EYS: variants seen among roughly 807,000 people sequenced by gnomAD.
EYS encodes EGF-like photoreceptor maintenance factor.
EYS carries 250 observed loss-of-function variants against 282.1 expected under a neutral mutation model. That is an observed-to-expected ratio of 0.89 (90% CI 0.80 to 0.98). The LOEUF is 0.98. EYS is among the 50% of genes least tolerant of loss of function. EYS has a pLI of 0.00. For synonymous variants in EYS, 1,355 were observed against 1,282.9 expected, an observed-to-expected ratio of 1.06 and a Z score of -1.20; for missense variants, 4,016 against 3,709.0, an observed-to-expected ratio of 1.08 and a Z score of -2.15.
At chr6:64,123,035 A>G (rs1212201093) in intron 31 of EYS, among the ~76,000 whole-genome samples, 1 of 152,164 alleles carries the variant, frequency 6.6e-6, no homozygotes, top group Admixed American at 6.5e-5. Context: ...AAGAATTTAC[A>G]GTCTAATAAC....
intron 31 of EYS, among the ~76,000 whole-genome samples, chr6:64,125,578 G>A (rs1197706986): frequency 4.6e-5 from 7 of 151,884 alleles, no homozygotes; most frequent in East Asian, 3.9e-4. Flanking sequence ...GAGGTCAGGG[G>A]ATCAAGACCA....
rs181323787 is a variant in EYS, at chr6:65,039,446, A to G, written c.2137+18168T>C. Among the ~76,000 whole-genome samples, 226 of 151,510 alleles carry G rather than the reference A, an allele frequency of 1.5e-3. 1 individual carries two copies. Among genetic ancestry groups the G allele is most frequent in the Non-Finnish European group, 1.8e-4 (12 of 67,626 alleles). ...ATTTGTCAACTTTTTCTTGTATTTA[A>G]TAGACTTATTGGCCATTATATGTTT... On this transcript the variant is annotated intron_variant, in intron 13 of 42. Coordinates refer to ENST00000503581, the MANE Select transcript of EYS (RefSeq NM_001142800.2).
chr6:65,329,258 A>G (rs1034052191), intron 11 of EYS: 4 of 679,038 alleles, frequency 5.9e-6, no homozygotes, highest in South Asian at 1.4e-4. Context: ...TTCAACCCAT[A>G]TGAAACTTGA....
chr6:64,671,518 G>C (rs73439002), intron 22 of EYS, among the ~76,000 whole-genome samples: 1 of 152,150 alleles, frequency 6.6e-6, no homozygotes, highest in East Asian at 1.9e-4. Flanking sequence ...TGTTGTAGCC[G>C]ACCAAAAGAG....
At chr6:65,210,534 A>G (rs200046103) in intron 12 of EYS, among the ~76,000 whole-genome samples, 2 of 152,028 alleles carry the variant, frequency 1.3e-5, no homozygotes, top group African/African-American at 4.8e-5. Flanking sequence ...TGCAGTTACT[A>G]TGCTCACTGG....
At position 64,750,520 on chromosome 6, in the gene EYS, GA is replaced by G. The variant is rs541157234; in HGVS notation, c.3443+62857del. Among the ~76,000 whole-genome samples the G allele has an allele frequency of 3.3e-5, 5 of 150,736 alleles. No individual in the cohort carries two copies. The East Asian group carries it at 9.7e-4, about 29-fold the overall frequency. Reference sequence around the variant, plus strand: ...ATGTCATCCAAAGAAAACTACTTTAGAAAAAAAAGAAAAGATAAGAGCTAAG... The same window carrying G: ...ATGTCATCCAAAGAAAACTACTTTAGAAAAAAAGAAAAGATAAGAGCTAAG... On this transcript the variant is annotated intron_variant, in intron 22 of 42. Transcript: ENST00000503581.
chr6:64,367,576 T>C (rs1772220638), intron 29 of EYS, among the ~76,000 whole-genome samples: 1 of 149,926 alleles, frequency 6.7e-6, no homozygotes, highest in South Asian at 2.1e-4. Context: ...GTTTCTAAAA[T>C]AGGAAGTGGT....
chr6:63,725,241 A>C (rs1768568183), intron 42 of EYS, among the ~76,000 whole-genome samples: 1 of 152,148 alleles, frequency 6.6e-6, no homozygotes, highest in Admixed American at 6.5e-5. Flanking sequence ...CTTGAACTAC[A>C]TGCATTGAAT....
rs753435827 is a variant in EYS at position 65,495,098 on chromosome 6, T to G, written c.313A>C (p.Asn105His). The G allele has an allele frequency of 6.2e-7, 1 of 1,614,194 alleles. No individual in the cohort carries two copies. Among genetic ancestry groups the G allele is most frequent in the Non-Finnish European group, 8.5e-7 (1 of 1,180,008 alleles). ...CCAACGAAAGATGTTTCAGAAACAT[T>G]CATCAAATTTATTTCTGGAAATTGA... is the stretch of plus-strand genomic sequence containing the variant. ...SLQFPEINLM[N>H]VSETSFVGCV... Residue 105 changes from asparagine (N) to histidine (H), a missense_variant, in exon 4 of 43, where the codon AAT becomes CAT. Coordinates refer to ENST00000503581, the MANE Select transcript of EYS (RefSeq NM_001142800.2).
chr6:65,378,036 A>G (rs931749947), intron 8 of EYS, among the ~76,000 whole-genome samples: 2 of 152,056 alleles, frequency 1.3e-5, no homozygotes, highest in Non-Finnish European at 1.5e-5. Flanking sequence ...GACAAATGCG[A>G]TCTAATTAAA....
intron 22 of EYS, among the ~76,000 whole-genome samples, chr6:64,701,074 A>G (rs1252637228): frequency 6.6e-6 from 1 of 152,082 alleles, no homozygotes; most frequent in Non-Finnish European, 1.5e-5. Flanking sequence ...TCACGTAACT[A>G]TAGTCCATTG....
intron 1 of EYS, among the ~76,000 whole-genome samples, chr6:65,666,609 CA>C (rs756145274): frequency 6.6e-6 from 1 of 151,674 alleles, no homozygotes; most frequent in Non-Finnish European, 1.5e-5. Context: ...TAATAGTACA[CA>C]CTTCATTGTG....
intron 12 of EYS, among the ~76,000 whole-genome samples, chr6:65,195,176 T>G (rs1299581548): frequency 6.6e-6 from 1 of 152,042 alleles, no homozygotes; most frequent in East Asian, 1.9e-4. Context: ...ATTTTAAAAT[T>G]TCTTGACTTT....
At chr6:64,149,906 T>C (rs1774645150) in intron 31 of EYS, among the ~76,000 whole-genome samples, 1 of 152,188 alleles carries the variant, frequency 6.6e-6, no homozygotes, top group African/African-American at 2.4e-5. Context: ...CCTGCCTTCA[T>C]GGGGGTGGAG....
At chr6:63,753,924 C>T (rs1279632081) in intron 41 of EYS, among the ~76,000 whole-genome samples, 1 of 152,122 alleles carries the variant, frequency 6.6e-6, no homozygotes, top group Non-Finnish European at 1.5e-5. Context: ...CTCCTTCTCT[C>T]ATGAGTCTAC....
chr6:63,763,876 A>T (rs985655772), intron 40 of EYS, among the ~76,000 whole-genome samples: 2 of 133,004 alleles, frequency 1.5e-5, no homozygotes, highest in Non-Finnish European at 3.1e-5. Flanking sequence ...CTTGTTATAT[A>T]TATATATATA....
intron 15 of EYS, among the ~76,000 whole-genome samples, chr6:64,919,157 C>G (rs934998101): frequency 6.6e-6 from 1 of 151,698 alleles, no homozygotes; most frequent in African/African-American, 2.4e-5. Flanking sequence ...AGTAAGCAAA[C>G]CTTTCTTTCT....
chr6:64,143,719 A>G (rs550437935), intron 31 of EYS, among the ~76,000 whole-genome samples: 18 of 152,220 alleles, frequency 1.2e-4, no homozygotes, highest in Non-Finnish European at 1.9e-4. Context: ...CCACAGACAC[A>G]TGAAGAAAAG....
intron 35 of EYS, among the ~76,000 whole-genome samples, chr6:63,966,201 A>G (rs1253955275): frequency 6.6e-6 from 1 of 152,206 alleles, no homozygotes; most frequent in African/African-American, 2.4e-5. Context: ...TAAATGAATG[A>G]ACAACATTTG....
Sources: gnomAD v4.1 joint callset for allele counts (sites outside exome capture counted in the v4.1 genomes callset) on GRCh38, gnomAD v4.1.1 for gene constraint, MANE v1.5 for transcripts, NCBI Gene and HGNC (gene_info 2026-07-23, HGNC 2026-07-21) for gene names.